Variants in RASA3 observed in about 807,000 individuals in gnomAD.
RASA3 encodes RAS p21 protein activator 3, also known as ras GTPase-activating protein 3.
RASA3 carries 73 observed loss-of-function variants against 110.0 expected under a neutral mutation model. The ratio of observed to expected loss-of-function variants is 0.66; its 90% CI spans 0.55 to 0.81. The LOEUF is 0.81. Among genes scored for constraint, RASA3 ranks in the 30% least tolerant of loss-of-function variants. The pLI, the probability that RASA3 is intolerant of heterozygous loss-of-function variation, is 0.00. For synonymous variants in RASA3, 500 were observed against 451.4 expected (o/e 1.11, Z -1.37); for missense variants, 976 against 1,113.2 (o/e 0.88, Z 1.75).
rs2052844471 is a variant in RASA3, at chr13:113,979,085, C to A, written c.*262G>T. On this transcript the variant is annotated 3_prime_UTR_variant, in exon 24 of 24. Coordinates refer to ENST00000334062, the MANE Select transcript of RASA3 (RefSeq NM_007368.4). ...CACACTTCCTGATCCTTCAGCTGAT[C>A]CCCAGATCCCCACAAACAAGGAGCA... 2.0e-6 allele frequency: 1 copy of A among 506,350 alleles called. No homozygotes were observed. Among genetic ancestry groups the A allele is most frequent in the African/African-American group, 1.9e-5 (1 of 51,872 alleles). 31.4% of individuals were successfully genotyped at this position (506,350 alleles called of 1,614,324 possible). A position where few individuals can be genotyped will look rare whatever the true frequency, so the allele number is the denominator to read the frequency against.
At chr13:114,020,719 C>A (rs2053908234) in intron 9 of RASA3, among the ~76,000 whole-genome samples, 1 of 152,216 alleles carries the variant, frequency 6.6e-6, no homozygotes, top group South Asian at 2.1e-4. Context: ...GAAAGAAAGG[C>A]AGGAGGCAGC....
Position 114,024,261 on chromosome 13 carries a change from G to A in RASA3, c.680+18C>T, listed in dbSNP as rs374320934. ...GTGAAAACTGCCAAGTTGGGGACGC[G>A]GAGCCTGGTTTTCTCACCTGATTTC... On this transcript the variant is annotated intron_variant, in intron 8 of 23. Coordinates refer to ENST00000334062, the MANE Select transcript of RASA3 (RefSeq NM_007368.4). 1.1e-4 allele frequency: 171 copies of A among 1,612,668 alleles called. No individual in the cohort carries two copies. The highest frequency in any genetic ancestry group is 1.6e-4 in the Middle Eastern group (1 of 6,080).
intron 1 of RASA3, among the ~76,000 whole-genome samples, chr13:114,109,919 G>T (rs1479080078): frequency 2.0e-5 from 3 of 152,190 alleles, no homozygotes; most frequent in African/African-American, 7.2e-5. Flanking sequence ...CACCCTTGGG[G>T]CGCAACTTCC....
rs372821661 is a variant in RASA3, at chr13:114,018,121, C to G, written c.1074G>C (p.Ala358=). ...VVPFISAIAS[A]EVKRTQDPNT... ...GCACTCACTGGGTCCGCTTCACCTC[C>G]GCGCTGGCGATGGCACTGATGAATG... Residue 358 remains alanine, a synonymous_variant, in exon 11 of 24, where the codon GCG becomes GCC. Coordinates refer to ENST00000334062, the MANE Select transcript of RASA3 (RefSeq NM_007368.4). The G allele has an allele frequency of 9.7e-6, 15 of 1,547,636 alleles. No individual in the cohort carries two copies. The highest frequency in any genetic ancestry group is 1.4e-5 in the African/African-American group (1 of 72,980).
intron 20 of RASA3, among the ~76,000 whole-genome samples, chr13:113,998,703 C>T (rs1369461969): frequency 6.6e-6 from 1 of 152,230 alleles, no homozygotes; most frequent in Non-Finnish European, 1.5e-5. Context: ...GAACCTGCCA[C>T]GTCGGCACAT....
intron 1 of RASA3, among the ~76,000 whole-genome samples, chr13:114,121,138 C>T (rs1283845308): frequency 6.6e-6 from 1 of 152,246 alleles, no homozygotes; most frequent in Non-Finnish European, 1.5e-5. Flanking sequence ...GAAAATTGCA[C>T]AGCAGTTGCC....
intron 13 of RASA3, 38 bp downstream of exon 13, chr13:114,016,159 A>T: frequency 6.6e-7 from 1 of 1,518,028 alleles, no homozygotes; most frequent in Non-Finnish European, 9.1e-7. Flanking sequence ...AACCCCAAGC[A>T]GGTGACTGGC....
At chr13:114,010,085 C>T (rs1440196409) in intron 16 of RASA3, among the ~76,000 whole-genome samples, 2 of 152,198 alleles carry the variant, frequency 1.3e-5, no homozygotes, top group South Asian at 2.1e-4. Flanking sequence ...ATGGAGTTTC[C>T]AGCCCACAGC....
In RASA3 at chr13:114,047,961, C is replaced by T. The variant is rs924125593; in HGVS notation, c.277+4091G>A. On this transcript the variant is annotated intron_variant, in intron 3 of 23. Transcript: ENST00000334062. Reference sequence around the variant, plus strand: ...ACACAACTGCATACACTGGTGAAGGCTACACCTAACAGTGAACTTTACCAT... The same window carrying T: ...ACACAACTGCATACACTGGTGAAGGTTACACCTAACAGTGAACTTTACCAT... 3.3e-5 allele frequency among the ~76,000 whole-genome samples: 5 copies of T among 152,224 alleles called. No individual in the cohort carries two copies. The South Asian group carries it at 1.0e-3, about 32-fold the overall frequency.
chr13:114,125,084 T>C (rs904455973), intron 1 of RASA3, among the ~76,000 whole-genome samples: 2 of 152,090 alleles, frequency 1.3e-5, no homozygotes, highest in African/African-American at 4.8e-5. Context: ...TAGGGGGTGG[T>C]GTTGGGCGCT....
At position 113,995,843 on chromosome 13, in the gene RASA3, C is replaced by T. The variant is rs186598112; in HGVS notation, c.2141+688G>A. ...CGGGGGGCCCGGCTGACGGGGGGCC[C>T]GGCTGACGGGGGGCCCGGCTGATGG... On this transcript the variant is annotated intron_variant, in intron 21 of 23. Transcript: ENST00000334062. 4.0e-4 allele frequency among the ~76,000 whole-genome samples: 11 copies of T among 27,642 alleles called. 4 individuals are homozygous for T. Among genetic ancestry groups the T allele is most frequent in the East Asian group, 1.9e-3 (2 of 1,076 alleles). 18.1% of individuals were successfully genotyped at this position (27,642 alleles called of 152,430 possible). A position where few individuals can be genotyped will look rare whatever the true frequency, so the allele number is the denominator to read the frequency against.
At chr13:114,117,128 CAT>C (rs1280855542) in intron 1 of RASA3, among the ~76,000 whole-genome samples, 1 of 123,460 alleles carries the variant, frequency 8.1e-6, no homozygotes, top group Non-Finnish European at 1.6e-5. Context: ...GTGAGGGATG[CAT>C]GTGTGTGAGG....
At chr13:113,993,722 C>T (rs1321778534) in intron 21 of RASA3, among the ~76,000 whole-genome samples, 6 of 146,366 alleles carry the variant, frequency 4.1e-5, no homozygotes, top group South Asian at 2.2e-4. Flanking sequence ...GCAGGAGAAT[C>T]GCTTGAACCT....
At position 114,096,640 on chromosome 13, in the gene RASA3, G is replaced by T. The variant is rs537563619; in HGVS notation, c.56-22803C>A. 1.1e-4 allele frequency among the ~76,000 whole-genome samples: 17 copies of T among 151,976 alleles called. No homozygotes were observed. Among genetic ancestry groups the T allele is most frequent in the African/African-American group, 4.1e-4 (17 of 41,362 alleles). ...CAGCCAAATGACCCATTTCCCAAAC[G>T]CCTTCCCTTTCCATTCTCTAAATAC... is the stretch of plus-strand genomic sequence containing the variant. On this transcript the variant is annotated intron_variant, in intron 1 of 23. Transcript: ENST00000334062. This position sits in a 1 kb window ranked among gnomAD's most constrained non-coding sequence, Gnocchi z 5.1.
In RASA3 at chr13:113,996,539, G is replaced by A; in HGVS notation, c.2133C>T (p.Pro711=). The A allele has an allele frequency of 1.9e-6, 3 of 1,612,172 alleles. No individual in the cohort carries two copies. Among genetic ancestry groups the A allele is most frequent in the South Asian group, 2.2e-5 (2 of 91,016 alleles). ...CCGAGGCACAGACCTACCCAGTGCA[G>A]GGCGAGCAGCCCGGAGCCGAGTCGG... ...APSDSAPGCS[P]CTGGLPANIQ... The change falls in exon 21 of 24, where the codon CCC becomes CCT. Residue 711 remains proline (P), a synonymous_variant. Coordinates refer to ENST00000334062, the MANE Select transcript of RASA3 (RefSeq NM_007368.4).
chr13:113,999,859 G>A (rs2053347099), intron 19 of RASA3, among the ~76,000 whole-genome samples, 192 bp from the exon 20 acceptor site: 1 of 42,516 alleles, frequency 2.4e-5, no homozygotes, highest in Non-Finnish European at 5.2e-5. Flanking sequence ...TCTCTGCTGG[G>A]GGGGTCTCTG....
intron 14 of RASA3, among the ~76,000 whole-genome samples, chr13:114,013,511 TTGTCTCTCTCTCATCTCTC>T (rs2053692595): frequency 8.4e-6 from 1 of 119,418 alleles, no homozygotes; most frequent in Non-Finnish European, 1.7e-5. Flanking sequence ...CTCCCTCTAT[TTGTCTCTCTCTCATCTCTC>T]TGTCTCTCTC....
chr13:114,015,147 G>C lies in RASA3; in HGVS notation c.1405+62C>G, dbSNP rs918645932. 2.5e-6 allele frequency: 4 copies of C among 1,594,906 alleles called. No individual in the cohort carries two copies. The African/African-American group carries it at 5.4e-5, about 21-fold the overall frequency. On this transcript the variant is annotated intron_variant, in intron 14 of 23. Coordinates refer to ENST00000334062, the MANE Select transcript of RASA3 (RefSeq NM_007368.4). The stretch of plus-strand genomic sequence containing the variant: ...GCTGCGGGGGGTTCTGCCTGGGTGG[G>C]AGTCACCCTGCACAGCGCTATGGCA...
At chr13:114,111,522 T>A (rs367814269) in intron 1 of RASA3, among the ~76,000 whole-genome samples, 6 of 85,904 alleles carry the variant, frequency 7.0e-5, no homozygotes, top group Admixed American at 1.1e-4. Context: ...GGGCTGAGCC[T>A]CAAACGAGCT....
Sources: allele counts gnomAD v4.1 joint callset (sites outside exome capture counted in the v4.1 genomes callset), GRCh38; gene constraint gnomAD v4.1.1; non-coding constraint Gnocchi (gnomAD v3.1); transcripts MANE v1.5; gene names NCBI Gene and HGNC (gene_info 2026-07-23, HGNC 2026-07-21).